ACER2: variants seen among roughly 807,000 people sequenced by gnomAD.
ACER2 encodes alkaline ceramidase 2, also known as alkCDase 2.
Under a neutral mutation model 34.7 loss-of-function variants are expected in ACER2, and 26 were observed. The ratio of observed to expected loss-of-function variants is 0.75; its 90% CI spans 0.55 to 1.04. The LOEUF (loss-of-function observed/expected upper bound fraction) is 1.04. Ranked by LOEUF, ACER2 falls within the 50% of genes least tolerant of loss-of-function variation. ACER2 has a pLI of 0.00. For synonymous variants in ACER2, 138 were observed against 132.1 expected (o/e 1.04, Z -0.31); for missense variants, 352 against 340.8 (o/e 1.03, Z -0.26).
In ACER2 at chr9:19,452,442, A is replaced by G. The variant is rs1243190918; in HGVS notation, c.*1806A>G. Among the ~76,000 whole-genome samples the G allele has an allele frequency of 6.6e-6, 1 of 152,190 alleles. No homozygotes were observed. The highest frequency in any genetic ancestry group is 1.5e-5 in the Non-Finnish European group (1 of 68,030). On this transcript the variant is annotated 3_prime_UTR_variant, in exon 6 of 6. Transcript: ENST00000340967. ...GAAGCAGAACGCTGTTTGTAGTAAG[A>G]AATCTTTGTGGAACCCCAGTGTGTG...
In ACER2 at chr9:19,422,499, G is replaced by T. The variant is rs148248570; in HGVS notation, c.109-1363G>T. Among the ~76,000 whole-genome samples the T allele has an allele frequency of 2.0e-5, 3 of 152,158 alleles. No homozygotes were observed. In the East Asian group the frequency reaches 5.8e-4, roughly 29 times the overall value. ...ATAAAATAATATCATTTTAAAGCTGGGAAGAAACTTTCAAATATAATCTTT... is the reference window on the plus strand; with the variant it reads ...ATAAAATAATATCATTTTAAAGCTGTGAAGAAACTTTCAAATATAATCTTT... On this transcript the variant is annotated intron_variant, in intron 1 of 5. Coordinates refer to ENST00000340967, the MANE Select transcript of ACER2 (RefSeq NM_001010887.3).
In ACER2 at chr9:19,446,317, C is replaced by G. The variant is rs766780914; in HGVS notation, c.540C>G (p.Phe180Leu). The G allele has an allele frequency of 1.9e-6, 3 of 1,614,072 alleles. No individual in the cohort carries two copies. In the African/African-American group the frequency reaches 4.0e-5, roughly 22 times the overall value. ...TGCGTGTGTTTAAGCTGGGCCTCTT[C>G]TCGGGCCTCTGGTGGACCCTGGCCC... ...DNMRVFKLGL[F>L]SGLWWTLALF... is the part of the protein sequence containing the mutation. The change falls in exon 5 of 6, where the codon TTC becomes TTG. Residue 180 changes from phenylalanine to leucine, a missense_variant. Coordinates refer to ENST00000340967, the MANE Select transcript of ACER2 (RefSeq NM_001010887.3).
At chr9:19,430,775 T>C (rs988159488) in intron 3 of ACER2, among the ~76,000 whole-genome samples, 4 of 152,062 alleles carry the variant, frequency 2.6e-5, no homozygotes, top group Non-Finnish European at 4.4e-5. Flanking sequence ...CTGGCCAGCA[T>C]GGTGAAACCC....
chr9:19,452,132 A>G lies in ACER2; in HGVS notation c.*1496A>G, dbSNP rs1256966545. 6.6e-6 allele frequency: 1 copy of G among 152,670 alleles called. No individual in the cohort carries two copies. The highest frequency in any genetic ancestry group is 1.9e-4 in the East Asian group (1 of 5,204). The allele number at this position is 152,670 out of a possible 1,614,324, so 9.5% of individuals were successfully genotyped here. ...TTCAAGGTGCATGGTGGGAATTATC[A>G]ACCTCAGGGATACTCATTTTAACTC... On this transcript the variant is annotated 3_prime_UTR_variant, in exon 6 of 6. Transcript: ENST00000340967.
intron 1 of ACER2, among the ~76,000 whole-genome samples, chr9:19,414,195 G>A (rs539137063): frequency 3.3e-5 from 5 of 152,178 alleles, no homozygotes; most frequent in Admixed American, 6.5e-5. Context: ...AGCAAACCAC[G>A]ACAGTTGGTC....
intron 4 of ACER2, among the ~76,000 whole-genome samples, chr9:19,438,948 G>C (rs1032486254): frequency 1.3e-5 from 2 of 152,108 alleles, no homozygotes; most frequent in African/African-American, 4.8e-5. Context: ...ACTGCACCCA[G>C]CTGAGAAAAT....
chr9:19,441,925 A>T (rs1375223176), intron 4 of ACER2, among the ~76,000 whole-genome samples: 2 of 152,158 alleles, frequency 1.3e-5, no homozygotes, highest in African/African-American at 4.8e-5. Context: ...AATGTTTCTC[A>T]CTGCACGCTA....
At chr9:19,420,610 G>A (rs1830374654) in intron 1 of ACER2, among the ~76,000 whole-genome samples, 2 of 152,210 alleles carry the variant, frequency 1.3e-5, no homozygotes, top group Middle Eastern at 3.2e-3. Flanking sequence ...AAAATGTTTG[G>A]TGGTTCCTTA....
At position 19,446,328 on chromosome 9, in the gene ACER2, G is replaced by T; in HGVS notation, c.551G>T (p.Trp184Leu). Reference protein sequence around the residue: ...VFKLGLFSGLWWTLALFCWIS... With the variant: ...VFKLGLFSGLLWTLALFCWIS... ...AAGCTGGGCCTCTTCTCGGGCCTCT[G>T]GTGGACCCTGGCCCTGTTCTGCTGG... is the stretch of plus-strand genomic sequence containing the variant. Residue 184 changes from tryptophan (W) to leucine (L), a missense_variant, in exon 5 of 6, where the codon TGG becomes TTG. Physicochemically the swap from Trp to Leu is moderately conservative, Grantham distance 61. Coordinates refer to ENST00000340967, the MANE Select transcript of ACER2 (RefSeq NM_001010887.3). 2.5e-6 allele frequency: 4 copies of T among 1,614,168 alleles called. No homozygotes were observed. Among genetic ancestry groups the T allele is most frequent in the Non-Finnish European group, 3.4e-6 (4 of 1,180,052 alleles).
intron 4 of ACER2, among the ~76,000 whole-genome samples, chr9:19,444,269 T>C (rs954933954): frequency 2.7e-5 from 4 of 150,162 alleles, no homozygotes; most frequent in Non-Finnish European, 5.9e-5. Flanking sequence ...TGGAGTGCAG[T>C]GGCGCGATCT....
At chr9:19,420,397 ACTT>A (rs1302372473) in intron 1 of ACER2, among the ~76,000 whole-genome samples, 26 of 152,104 alleles carry the variant, frequency 1.7e-4, no homozygotes, top group Non-Finnish European at 3.7e-4. Flanking sequence ...CATTCGACAT[ACTT>A]CTTCTCTGTG....
intron 4 of ACER2, among the ~76,000 whole-genome samples, chr9:19,444,405 G>A (rs993034498): frequency 1.3e-5 from 2 of 151,942 alleles, no homozygotes; most frequent in Non-Finnish European, 2.9e-5. Flanking sequence ...GTAGAGACGA[G>A]GTTTCACCGG....
intron 1 of ACER2, among the ~76,000 whole-genome samples, chr9:19,423,083 T>C (rs1830456405): frequency 6.7e-6 from 1 of 150,350 alleles, no homozygotes. Flanking sequence ...GGCATGTACC[T>C]AGTCCCAGCT....
Position 19,426,228 on chromosome 9 carries a change from TAAA to T in ACER2, c.365+1398_365+1400del, listed in dbSNP as rs369990989. On this transcript the variant is annotated intron_variant, in intron 3 of 5. Coordinates refer to ENST00000340967, the MANE Select transcript of ACER2 (RefSeq NM_001010887.3). ...CATCTGAACTGGTTGACTTTTTTTT[TAAA>T]AAAAAAAAAACAAAATTAACACATT... Among the ~76,000 whole-genome samples, 841 of 144,764 alleles carry T rather than the reference TAAA, an allele frequency of 5.8e-3. 12 individuals are homozygous for T. The highest frequency in any genetic ancestry group is 0.02 in the African/African-American group (785 of 39,646). The allele number at this position is 144,764 out of a possible 152,430, so 95.0% of individuals were successfully genotyped here.
At chr9:19,431,410 G>C (rs7021844) in intron 3 of ACER2, among the ~76,000 whole-genome samples, 37,864 of 152,094 alleles carry the variant, frequency 0.25, 5,674 homozygotes, top group African/African-American at 0.42. Context: ...TGACCTGTGC[G>C]TAATTCTTAA....
At chr9:19,435,855 C>T (rs1406394032) in intron 4 of ACER2, among the ~76,000 whole-genome samples, 1 of 151,716 alleles carries the variant, frequency 6.6e-6, no homozygotes, top group Non-Finnish European at 1.5e-5. Context: ...GGAGACCATC[C>T]TGGCTAACAC....
chr9:19,444,758 G>A (rs758507652), intron 4 of ACER2, among the ~76,000 whole-genome samples: 7 of 152,328 alleles, frequency 4.6e-5, no homozygotes, highest in Non-Finnish European at 8.8e-5. Flanking sequence ...AGGCATTCAA[G>A]GTAGAGAGTG....
At chr9:19,434,684 A>C (rs1830900036) in intron 3 of ACER2, among the ~76,000 whole-genome samples, 1 of 152,150 alleles carries the variant, frequency 6.6e-6, no homozygotes, top group Non-Finnish European at 1.5e-5. Context: ...GAGGCAGGAG[A>C]ATCAGGCAGG....
At chr9:19,442,998 A>G (rs1352617446) in intron 4 of ACER2, among the ~76,000 whole-genome samples, 1 of 149,446 alleles carries the variant, frequency 6.7e-6, no homozygotes, top group Non-Finnish European at 1.5e-5. Context: ...ATGCCCGGCT[A>G]ATTTATTGTA....
Sources: gnomAD v4.1 joint callset for allele counts (sites outside exome capture counted in the v4.1 genomes callset) on GRCh38, gnomAD v4.1.1 for gene constraint, MANE v1.5 for transcripts, NCBI Gene and HGNC (gene_info 2026-07-23, HGNC 2026-07-21) for gene names.